The following ROBO1 variants were observed in gnomAD, a reference collection of about 807,000 sequenced individuals.
ROBO1 encodes the protein roundabout guidance receptor 1.
Under a neutral mutation model 195.9 loss-of-function variants are expected in ROBO1, and 149 were observed. The observed-to-expected ratio is 0.76, with a 90% CI of 0.67 to 0.87. ROBO1 has a LOEUF of 0.87. ROBO1 is among the 40% of genes least tolerant of loss of function. The probability of loss-of-function intolerance (pLI) is 0.00; values close to 1 mark genes in which losing one functional copy is unlikely to be tolerated. For synonymous variants in ROBO1, 816 were observed against 733.2 expected (o/e 1.11, Z -1.82); for missense variants, 1,933 against 2,068.3 (o/e 0.93, Z 1.27).
At chr3:79,007,732 T>G (rs2108183624) in intron 3 of ROBO1, among the ~76,000 whole-genome samples, 1 of 152,362 alleles carries the variant, frequency 6.6e-6, no homozygotes, top group African/African-American at 2.4e-5. Context: ...TAAATCAAGC[T>G]AATTAACAAC....
intron 2 of ROBO1, among the ~76,000 whole-genome samples, chr3:79,388,492 T>C (rs910152593): frequency 7.9e-5 from 12 of 151,690 alleles, no homozygotes; most frequent in African/African-American, 2.9e-4. Context: ...TGTGGTATAA[T>C]AGATATCATC....
chr3:79,756,217 A>T (rs779426785), intron 1 of ROBO1, among the ~76,000 whole-genome samples: 1 of 152,190 alleles, frequency 6.6e-6, no homozygotes, highest in Non-Finnish European at 1.5e-5. Flanking sequence ...GCTATCTTTA[A>T]AATGAACATT....
chr3:79,401,177 C>A (rs1046853129), intron 2 of ROBO1, among the ~76,000 whole-genome samples: 1 of 151,506 alleles, frequency 6.6e-6, no homozygotes, highest in African/African-American at 2.4e-5. Context: ...CTAAGAATTA[C>A]TGATTTTTTT....
intron 2 of ROBO1, among the ~76,000 whole-genome samples, chr3:79,517,600 C>T (rs1210413444): frequency 6.6e-6 from 1 of 152,160 alleles, no homozygotes; most frequent in Non-Finnish European, 1.5e-5. Context: ...CTAAATGGCT[C>T]CTAAATCTTT....
intron 3 of ROBO1, among the ~76,000 whole-genome samples, chr3:79,124,868 A>G (rs1282931573): frequency 1.3e-5 from 2 of 152,200 alleles, no homozygotes; most frequent in East Asian, 3.8e-4. Context: ...AAACATTTAT[A>G]TATCAATTAT....
intron 2 of ROBO1, among the ~76,000 whole-genome samples, chr3:79,568,577 A>AT (rs1358736748): frequency 3.3e-5 from 5 of 150,734 alleles, no homozygotes; most frequent in Non-Finnish European, 7.4e-5. Flanking sequence ...GAGCTAGTGA[A>AT]TCTACTTTAG....
At chr3:79,614,928 GA>G (rs763437501) in intron 1 of ROBO1, among the ~76,000 whole-genome samples, 51 of 151,968 alleles carry the variant, frequency 3.4e-4, no homozygotes, top group Non-Finnish European at 5.9e-4. Context: ...GTCTTATGTG[GA>G]AAATTCACAT....
At chr3:78,868,731 A>G (rs576803227) in intron 4 of ROBO1, among the ~76,000 whole-genome samples, 1 of 152,298 alleles carries the variant, frequency 6.6e-6, no homozygotes, top group South Asian at 2.1e-4. Flanking sequence ...ACAGCATAAA[A>G]GGGGAAAAAA....
chr3:79,578,745 T>C (rs966426371), intron 2 of ROBO1, among the ~76,000 whole-genome samples: 5 of 152,266 alleles, frequency 3.3e-5, no homozygotes, highest in Non-Finnish European at 7.4e-5. Context: ...GATGGTAAGA[T>C]TTTAAGAGAA....
At chr3:79,738,728 C>T (rs964640198) in intron 1 of ROBO1, among the ~76,000 whole-genome samples, 7 of 152,106 alleles carry the variant, frequency 4.6e-5, no homozygotes, top group African/African-American at 1.7e-4. Context: ...TAAGAAAATA[C>T]TAAGGCTACT....
At chr3:79,066,385 T>C (rs2079003085) in intron 3 of ROBO1, among the ~76,000 whole-genome samples, 1 of 151,944 alleles carries the variant, frequency 6.6e-6, no homozygotes, top group Admixed American at 6.6e-5. Flanking sequence ...TTCACTAAGT[T>C]ATACATTTGT....
intron 4 of ROBO1, among the ~76,000 whole-genome samples, chr3:78,821,323 G>A (rs567491542): frequency 2.6e-5 from 4 of 151,754 alleles, no homozygotes; most frequent in East Asian, 2.0e-4. Flanking sequence ...GTACCACCAC[G>A]CCCGGCTAAT....
chr3:79,576,622 CT>C (rs755856721), intron 2 of ROBO1, among the ~76,000 whole-genome samples: 15 of 152,112 alleles, frequency 9.9e-5, no homozygotes, highest in Middle Eastern at 3.4e-3. Context: ...AAAACCAATG[CT>C]TTTGGTTAAC....
chr3:79,515,295 GCT>G (rs1029957788), intron 2 of ROBO1, among the ~76,000 whole-genome samples: 1 of 152,186 alleles, frequency 6.6e-6, no homozygotes, highest in Non-Finnish European at 1.5e-5. Flanking sequence ...GTTCGCCAAT[GCT>G]CTGTGTTGCC....
chr3:79,358,820 A>C (rs2035659126), intron 2 of ROBO1, among the ~76,000 whole-genome samples: 1 of 152,066 alleles, frequency 6.6e-6, no homozygotes, highest in South Asian at 2.1e-4. Flanking sequence ...CAATTATATA[A>C]AATGACACAC....
intron 2 of ROBO1, among the ~76,000 whole-genome samples, chr3:79,458,873 G>A: frequency 6.6e-6 from 1 of 151,862 alleles, no homozygotes; most frequent in South Asian, 2.1e-4. Flanking sequence ...CAATTTGCCA[G>A]AGTAATACTT....
At chr3:79,065,401 T>A (rs1310182644) in intron 3 of ROBO1, among the ~76,000 whole-genome samples, 1 of 151,682 alleles carries the variant, frequency 6.6e-6, no homozygotes, top group Non-Finnish European at 1.5e-5. Flanking sequence ...GAAAAAAAAA[T>A]GACCGATCTG....
chr3:78,903,548 AGT>A (rs1363091048), intron 4 of ROBO1, among the ~76,000 whole-genome samples: 2 of 146,158 alleles, frequency 1.4e-5, no homozygotes, highest in African/African-American at 5.4e-5. Flanking sequence ...CAATAAAAGA[AGT>A]ACACACACAC....
chr3:78,785,193 G>T (rs333495), intron 4 of ROBO1, among the ~76,000 whole-genome samples: 84,477 of 151,992 alleles, frequency 0.56, 23,657 homozygotes, highest in East Asian at 0.73. Flanking sequence ...AGAGATGCAT[G>T]ATGAACACAT....
Sources: allele counts gnomAD v4.1 joint callset (sites outside exome capture counted in the v4.1 genomes callset), GRCh38; gene constraint gnomAD v4.1.1; transcripts MANE v1.5; gene names NCBI Gene and HGNC (gene_info 2026-07-23, HGNC 2026-07-21).